Variants in FAM227B observed in about 807,000 individuals in gnomAD.
FAM227B encodes protein FAM227B.
In FAM227B, 88 loss-of-function variants were observed where a neutral mutation model predicts 73.8. That is an observed-to-expected ratio of 1.19 (90% CI 1.00 to 1.42). FAM227B has a LOEUF of 1.42. Among genes scored for constraint, FAM227B ranks in the 40% most tolerant of loss-of-function variants. The pLI, the probability that FAM227B is intolerant of heterozygous loss-of-function variation, is 0.00. For synonymous variants in FAM227B, 210 were observed against 190.5 expected (o/e 1.10, Z -0.84); for missense variants, 632 against 590.9 (o/e 1.07, Z -0.72).
At chr15:49,329,823 A>AG (rs2038274042) in intron 15 of FAM227B, 1 of 572,316 alleles carries the variant, frequency 1.7e-6, no homozygotes, top group Non-Finnish European at 2.2e-6. Context: ...AAAAAAAAAA[A>AG]GGCACCTGTC....
At chr15:49,526,473 T>C (rs953821934) in intron 10 of FAM227B, among the ~76,000 whole-genome samples, 2 of 151,852 alleles carry the variant, frequency 1.3e-5, no homozygotes, top group Admixed American at 6.6e-5. Flanking sequence ...CAACCTAACA[T>C]TTACCCCAAG....
At chr15:49,505,866 A>G (rs914516702) in intron 11 of FAM227B, among the ~76,000 whole-genome samples, 1 of 151,974 alleles carries the variant, frequency 6.6e-6, no homozygotes, top group Non-Finnish European at 1.5e-5. Flanking sequence ...CTGAATAAAA[A>G]AACAAGACTC....
chr15:49,573,555 G>A (rs2152368471), intron 8 of FAM227B, among the ~76,000 whole-genome samples: 1 of 152,250 alleles, frequency 6.6e-6, no homozygotes, highest in South Asian at 2.1e-4. Flanking sequence ...TCACAGAAGT[G>A]GGTTTGTTAT....
At chr15:49,454,970 T>A (rs1265347770) in intron 11 of FAM227B, among the ~76,000 whole-genome samples, 1 of 152,098 alleles carries the variant, frequency 6.6e-6, no homozygotes, top group South Asian at 2.1e-4. Context: ...ATTAGCCAAT[T>A]CCAGGGATTT....
At chr15:49,377,736 C>A (rs1169864831) in intron 11 of FAM227B, among the ~76,000 whole-genome samples, 1 of 152,058 alleles carries the variant, frequency 6.6e-6, no homozygotes, top group African/African-American at 2.4e-5. Context: ...GTTACTTGAG[C>A]TCCTTATATA....
At chr15:49,349,747 T>C (rs2041989819) in intron 13 of FAM227B, among the ~76,000 whole-genome samples, 1 of 152,216 alleles carries the variant, frequency 6.6e-6, no homozygotes, top group African/African-American at 2.4e-5. Context: ...TACTGACTTC[T>C]GGGCTTATAC....
intron 3 of FAM227B, among the ~76,000 whole-genome samples, chr15:49,593,808 ACAC>A (rs1204923073): frequency 2.6e-5 from 4 of 152,178 alleles, no homozygotes; most frequent in African/African-American, 9.7e-5. Context: ...TGGTATATGT[ACAC>A]CACATTTTAT....
chr15:49,361,360 A>G (rs1220774529), intron 13 of FAM227B, among the ~76,000 whole-genome samples: 1 of 151,788 alleles, frequency 6.6e-6, no homozygotes, highest in Admixed American at 6.6e-5. Flanking sequence ...AATAAGCATA[A>G]TACCCAGTAG....
intron 11 of FAM227B, among the ~76,000 whole-genome samples, chr15:49,451,360 AT>A (rs2052721027): frequency 2.0e-5 from 3 of 152,110 alleles, no homozygotes; most frequent in African/African-American, 7.2e-5. Flanking sequence ...ATGATAAAGT[AT>A]TTTTTCTTCT....
intron 5 of FAM227B, among the ~76,000 whole-genome samples, chr15:49,586,524 C>T (rs111710716): frequency 8.6e-5 from 13 of 151,888 alleles, no homozygotes; most frequent in African/African-American, 2.7e-4. Context: ...GCAACAAAAG[C>T]AAAAAATGAC....
intron 11 of FAM227B, chr15:49,422,723 A>G (rs1290450284): frequency 7.0e-6 from 9 of 1,278,664 alleles, no homozygotes; most frequent in Middle Eastern, 1.8e-4. Flanking sequence ...GCCTAGGAAT[A>G]TAATACATAA....
At chr15:49,452,195 C>G (rs1216012662) in intron 11 of FAM227B, among the ~76,000 whole-genome samples, 1 of 152,012 alleles carries the variant, frequency 6.6e-6, no homozygotes. Flanking sequence ...GTGCATGCTA[C>G]CATGCCCAGC....
rs764079442 is a variant in FAM227B at position 49,588,077 on chromosome 15, T to C, written c.344A>G (p.Tyr115Cys). The stretch of plus-strand genomic sequence containing the variant: ...TTCCCCATATCGTTCCAATTTTCTA[T>C]AAGAACCTTTAAGAAAATAAGAATT... ...WKSMISETSS[Y>C]RKLERYGEFL... The change falls in exon 5 of 16, where the codon TAT (tyrosine) becomes TGT (cysteine). Residue 115 changes from tyrosine (Y) to cysteine (C), a missense_variant. Transcript: ENST00000299338. The C allele has an allele frequency of 2.7e-5, 37 of 1,396,000 alleles. No homozygotes were observed. The highest frequency in any genetic ancestry group is 3.3e-5 in the Non-Finnish European group (34 of 1,044,376). The allele number at this position is 1,396,000 out of a possible 1,614,324, so 86.5% of individuals were successfully genotyped here.
chr15:49,553,080 C>T (rs1003433640), intron 9 of FAM227B, among the ~76,000 whole-genome samples: 2 of 152,094 alleles, frequency 1.3e-5, no homozygotes, highest in South Asian at 2.1e-4. Context: ...TATTCACTGT[C>T]TGCGCTTATT....
intron 3 of FAM227B, among the ~76,000 whole-genome samples, chr15:49,609,837 A>G (rs897779527): frequency 6.6e-6 from 1 of 152,018 alleles, no homozygotes; most frequent in African/African-American, 2.4e-5. Flanking sequence ...AATTCAGAAA[A>G]TATGAAAAGA....
chr15:49,337,598 C>T (rs547804676), intron 13 of FAM227B, among the ~76,000 whole-genome samples: 1 of 130,770 alleles, frequency 7.6e-6, no homozygotes, highest in East Asian at 2.6e-4. Flanking sequence ...CATAGGTATA[C>T]ATGTGCCATG....
chr15:49,492,029 T>A (rs1217090039), intron 11 of FAM227B, among the ~76,000 whole-genome samples: 1 of 151,852 alleles, frequency 6.6e-6, no homozygotes, highest in Admixed American at 6.6e-5. Flanking sequence ...AGTCTTGTCA[T>A]CATGCCTACA....
intron 13 of FAM227B, among the ~76,000 whole-genome samples, chr15:49,338,646 G>C (rs547313517): frequency 6.6e-5 from 10 of 152,102 alleles, no homozygotes; most frequent in Non-Finnish European, 1.2e-4. Context: ...GGTGTTCTCT[G>C]TATTTCCTGA....
intron 9 of FAM227B, among the ~76,000 whole-genome samples, chr15:49,553,021 TTGA>T (rs2073216955): frequency 6.6e-6 from 1 of 152,200 alleles, no homozygotes; most frequent in African/African-American, 2.4e-5. Flanking sequence ...TTGATGCCAG[TTGA>T]TGTTCTTTGG....
Sources: gnomAD v4.1 joint callset for allele counts (sites outside exome capture counted in the v4.1 genomes callset) on GRCh38, gnomAD v4.1.1 for gene constraint, MANE v1.5 for transcripts, NCBI Gene and HGNC (gene_info 2026-07-23, HGNC 2026-07-21) for gene names.